Variants in EXOC4 observed in about 807,000 individuals in gnomAD.
The protein encoded by EXOC4 is SEC8-like 1.
EXOC4 carries 71 observed loss-of-function variants against 107.2 expected under a neutral mutation model. The observed-to-expected ratio is 0.66, with a 90% CI of 0.55 to 0.81. The LOEUF (loss-of-function observed/expected upper bound fraction) is 0.81. Ranked by LOEUF, EXOC4 falls within the 30% of genes least tolerant of loss-of-function variation. The pLI is 0.00. For missense variants in EXOC4, 1,108 were observed against 1,189.6 expected, an observed-to-expected ratio of 0.93 and a Z score of 1.01; for synonymous variants, 456 against 441.2, an observed-to-expected ratio of 1.03 and a Z score of -0.42.
At chr7:133,284,597 T>A (rs1232559792) in intron 2 of EXOC4, among the ~76,000 whole-genome samples, 2 of 152,210 alleles carry the variant, frequency 1.3e-5, no homozygotes, top group Non-Finnish European at 2.9e-5. Context: ...AGTGGCCCGA[T>A]CTCGGCTCAC....
intron 9 of EXOC4, among the ~76,000 whole-genome samples, chr7:133,611,097 C>G (rs761035840): frequency 6.6e-6 from 1 of 151,628 alleles, no homozygotes; most frequent in Non-Finnish European, 1.5e-5. Flanking sequence ...GCCCTCATGC[C>G]TGGCCTTTAT....
intron 17 of EXOC4, among the ~76,000 whole-genome samples, chr7:134,043,432 A>T (rs1795571357): frequency 6.6e-6 from 1 of 152,196 alleles, no homozygotes; most frequent in African/African-American, 2.4e-5. Context: ...GCCTGAGAAA[A>T]CATTTGCAGA....
chr7:133,823,887 TATATATTTTATATATATATATATAAA>T (rs1797622238), intron 11 of EXOC4, among the ~76,000 whole-genome samples: 1 of 22,366 alleles, frequency 4.5e-5, no homozygotes, highest in Non-Finnish European at 6.6e-5. Context: ...TATATATATA[TATATATTTTATATATATATATATAAA>T]TATATATATA....
chr7:133,722,261 G>T (rs1176443268), intron 10 of EXOC4, among the ~76,000 whole-genome samples: 1 of 152,176 alleles, frequency 6.6e-6, no homozygotes, highest in Non-Finnish European at 1.5e-5. Flanking sequence ...CTTTGATTTT[G>T]AGAGTGTTAA....
At chr7:133,441,065 G>A (rs995231235) in intron 7 of EXOC4, among the ~76,000 whole-genome samples, 2 of 152,150 alleles carry the variant, frequency 1.3e-5, no homozygotes, top group Admixed American at 6.5e-5. Context: ...TTTGGCTGAG[G>A]TCTTCTATTT....
At chr7:133,401,766 C>CA (rs1554447114) in intron 7 of EXOC4, among the ~76,000 whole-genome samples, 2 of 150,334 alleles carry the variant, frequency 1.3e-5, no homozygotes, top group Non-Finnish European at 3.0e-5. Context: ...CATGATTTTC[C>CA]TTTTTTTTTG....
At chr7:134,084,709 T>TAAAA in the EXOC4 span, among the ~76,000 whole-genome samples, 1,098 of 83,126 alleles carry the variant, frequency 0.013, 34 homozygotes, top group African/African-American at 0.052. Context: ...GGTGCAGCCG[T>TAAAA]AAAAAAAAAA....
At chr7:134,043,584 G>A (rs1282138717) in intron 17 of EXOC4, among the ~76,000 whole-genome samples, 10 of 151,964 alleles carry the variant, frequency 6.6e-5, no homozygotes, top group Admixed American at 6.6e-4. Context: ...ACAGCCACCT[G>A]GTTTGGTGCA....
chr7:133,880,863 T>C (rs1033847780), intron 11 of EXOC4, among the ~76,000 whole-genome samples: 3 of 152,194 alleles, frequency 2.0e-5, no homozygotes, highest in Non-Finnish European at 4.4e-5. Context: ...CATGTTTTTA[T>C]TGGCAAATAA....
rs1794171616 is a variant in EXOC4, at chr7:133,680,844, C to T, written c.1514+50703C>T. On this transcript the variant is annotated intron_variant, in intron 10 of 17. Transcript: ENST00000253861. ...TATAATAAATACCAACATTGATCTACTTCTTCCCTCTCCTTTGGAACCTCC... is the reference window on the plus strand; with the variant it reads ...TATAATAAATACCAACATTGATCTATTTCTTCCCTCTCCTTTGGAACCTCC... Among the ~76,000 whole-genome samples the T allele has an allele frequency of 2.6e-5, 4 of 152,208 alleles. No individual in the cohort carries two copies. The South Asian group carries it at 8.3e-4, about 32-fold the overall frequency.
intron 7 of EXOC4, among the ~76,000 whole-genome samples, chr7:133,421,096 A>G (rs138472089): frequency 6.6e-6 from 1 of 152,102 alleles, no homozygotes; most frequent in East Asian, 1.9e-4. Flanking sequence ...CTTTGCATCA[A>G]TTCTTTTATA....
intron 9 of EXOC4, among the ~76,000 whole-genome samples, chr7:133,542,914 G>T (rs959566521): frequency 6.6e-6 from 1 of 151,974 alleles, no homozygotes; most frequent in Non-Finnish European, 1.5e-5. Context: ...AAACTTACAG[G>T]TTATAAATGT....
intron 9 of EXOC4, among the ~76,000 whole-genome samples, chr7:133,607,054 G>A (rs921343505): frequency 5.3e-5 from 8 of 152,064 alleles, no homozygotes; most frequent in South Asian, 2.1e-4. Context: ...TTTATTTTCC[G>A]AGTTTTGGCA....
At chr7:133,689,635 G>A (rs1288176869) in intron 10 of EXOC4, among the ~76,000 whole-genome samples, 2 of 152,172 alleles carry the variant, frequency 1.3e-5, no homozygotes, top group Non-Finnish European at 2.9e-5. Context: ...TATCAAGGGT[G>A]GGGAGGAGGA....
At chr7:133,888,286 T>A (rs10246164) in intron 11 of EXOC4, among the ~76,000 whole-genome samples, 72 of 152,154 alleles carry the variant, frequency 4.7e-4, no homozygotes, top group African/African-American at 1.7e-3. Flanking sequence ...TTAAGCATAA[T>A]AAAAATGCCT....
chr7:133,625,607 T>C (rs1403824688), intron 9 of EXOC4, among the ~76,000 whole-genome samples: 1 of 152,230 alleles, frequency 6.6e-6, no homozygotes, highest in Non-Finnish European at 1.5e-5. Context: ...TGGAATCTTA[T>C]TACTTAAAAG....
chr7:133,400,561 C>T (rs1256177078), intron 7 of EXOC4, among the ~76,000 whole-genome samples: 1 of 152,122 alleles, frequency 6.6e-6, no homozygotes, highest in Non-Finnish European at 1.5e-5. Flanking sequence ...TTCTTTTTTA[C>T]AACAGCCTAC....
chr7:133,264,826 ATTC>A (rs956239912), intron 1 of EXOC4, among the ~76,000 whole-genome samples: 5 of 152,192 alleles, frequency 3.3e-5, no homozygotes, highest in African/African-American at 1.2e-4. Context: ...TAGTGCTTAT[ATTC>A]TTAACTATCT....
At chr7:133,470,374 A>C (rs1798845455) in intron 7 of EXOC4, among the ~76,000 whole-genome samples, 1 of 152,232 alleles carries the variant, frequency 6.6e-6, no homozygotes, top group African/African-American at 2.4e-5. Context: ...GTCCTGCTTT[A>C]ATACCGTGAG....
Sources: allele counts gnomAD v4.1 joint callset (sites outside exome capture counted in the v4.1 genomes callset), GRCh38; gene constraint gnomAD v4.1.1; transcripts MANE v1.5; gene names NCBI Gene and HGNC (gene_info 2026-07-23, HGNC 2026-07-21).